REPIN1: variants seen among roughly 807,000 people sequenced by gnomAD.
The protein encoded by REPIN1 is replication initiator 1.
REPIN1 carries 4 observed loss-of-function variants against 5.7 expected under a neutral mutation model. The ratio of observed to expected loss-of-function variants is 0.71; its 90% CI spans 0.35 to 1.62. The LOEUF is 1.62. REPIN1 is among the 40% of genes most tolerant of loss of function. The pLI is 0.05. For synonymous variants in REPIN1, 410 were observed against 386.2 expected, an observed-to-expected ratio of 1.06 and a Z score of -0.72; for missense variants, 854 against 901.0, an observed-to-expected ratio of 0.95 and a Z score of 0.67.
rs1448446831 is a variant in REPIN1, at chr7:150,373,473, C to A, written c.*528C>A. On this transcript the variant is annotated 3_prime_UTR_variant, in exon 3 of 3. Coordinates refer to ENST00000489432, the MANE Select transcript of REPIN1 (RefSeq NM_001099695.2). ...AAGAGGTGAAGCGAAGCCACTCTTACCTCTCCCTTCCCCTCCCACCTGCCC... is the reference window on the plus strand; with the variant it reads ...AAGAGGTGAAGCGAAGCCACTCTTAACTCTCCCTTCCCCTCCCACCTGCCC... 4 of 174,552 alleles carry A rather than the reference C, an allele frequency of 2.3e-5. No homozygotes were observed. Among genetic ancestry groups the A allele is most frequent in the East Asian group, 1.9e-4 (1 of 5,356 alleles). 10.8% of individuals were successfully genotyped at this position (174,552 alleles called of 1,614,324 possible).
rs1408708774 is a variant in REPIN1, at chr7:150,371,315, A to T, written c.245A>T (p.Gln82Leu). 1 of 1,586,490 alleles carries T rather than the reference A, an allele frequency of 6.3e-7. No homozygotes were observed. Among genetic ancestry groups the T allele is most frequent in the Non-Finnish European group, 8.6e-7 (1 of 1,167,328 alleles). Residue 82 changes from glutamine (Q) to leucine (L), a missense_variant, in exon 3 of 3, where the codon CAG (glutamine) becomes CTG (leucine). Physicochemically the swap from Gln to Leu is moderately radical, Grantham distance 113. Coordinates refer to ENST00000489432, the MANE Select transcript of REPIN1 (RefSeq NM_001099695.2). ...AQPRLLSGPS[Q>L]ESPQTLGKES... ...CCCCGACTCCTTTCTGGGCCCTCCC[A>T]GGAGTCACCCCAGACCCTGGGGAAG...
rs747716898 is a variant in REPIN1 at position 150,372,395 on chromosome 7, G to A, written c.1325G>A (p.Arg442Gln). The A allele has an allele frequency of 8.7e-6, 13 of 1,486,608 alleles. No homozygotes were observed. The highest frequency in any genetic ancestry group is 1.7e-4 in the Middle Eastern group (1 of 5,746). The allele number at this position is 1,486,608 out of a possible 1,614,324, so 92.1% of individuals were successfully genotyped here. ...YSCDDCGRSF[R>Q]LERFLRAHQR... ...TGCGACGACTGCGGCAGGAGCTTCC[G>A]GCTGGAGCGCTTCCTGCGGGCCCAC... The change falls in exon 3 of 3, where the codon CGG (arginine) becomes CAG (glutamine). Residue 442 changes from arginine to glutamine, a missense_variant. By Grantham distance (43) the Arg-to-Gln change is conservative. Coordinates refer to ENST00000489432, the MANE Select transcript of REPIN1 (RefSeq NM_001099695.2).
In REPIN1 at chr7:150,371,900, C is replaced by T. The variant is rs779402280; in HGVS notation, c.830C>T (p.Pro277Leu). ...CTGGGGCCCCGGCCCAGGGGCCGCCCCGCGGTGACCGCCCCCCGGCCCGGT... is the reference window on the plus strand; with the variant it reads ...CTGGGGCCCCGGCCCAGGGGCCGCCTCGCGGTGACCGCCCCCCGGCCCGGT... The part of the protein sequence containing the change: ...KALGPRPRGR[P>L]AVTAPRPGGD... Residue 277 changes from proline to leucine, a missense_variant, in exon 3 of 3, where the codon CCC becomes CTC. Around this residue, in one of 5 missense-constraint regions of REPIN1, gnomAD observed 409 missense variants for 418.6 expected, o/e 0.98. Coordinates refer to ENST00000489432, the MANE Select transcript of REPIN1 (RefSeq NM_001099695.2). 14 of 1,607,048 alleles carry T rather than the reference C, an allele frequency of 8.7e-6. No individual in the cohort carries two copies. Among genetic ancestry groups the T allele is most frequent in the Non-Finnish European group, 1.1e-5 (13 of 1,178,074 alleles).
At position 150,369,872 on chromosome 7, in the gene REPIN1, G is replaced by C; in HGVS notation, c.157+4G>C. The stretch of plus-strand genomic sequence containing the variant: ...CCCCAGCTCTGCAGTCTCCAGGGTA[G>C]AGTCTGGCCTTTGCTGTGCTCCCAA... On this transcript the variant is annotated splice_donor_region_variant and intron_variant, in intron 2 of 2. Coordinates refer to ENST00000489432, the MANE Select transcript of REPIN1 (RefSeq NM_001099695.2). The C allele has an allele frequency of 6.3e-7, 1 of 1,586,400 alleles. No homozygotes were observed. Among genetic ancestry groups the C allele is most frequent in the Non-Finnish European group, 8.6e-7 (1 of 1,162,114 alleles).
upstream of REPIN1, chr7:150,368,719 G>C: frequency 4.2e-6 from 1 of 239,330 alleles, no homozygotes. Flanking sequence ...GTCCCTCCCC[G>C]CCCCCAGGCC....
At chr7:150,369,900 C>G in intron 2 of REPIN1, 32 bp downstream of exon 2, 1 of 1,555,534 alleles carries the variant, frequency 6.4e-7, no homozygotes, top group Non-Finnish European at 8.7e-7. Context: ...GCTCCCAAAC[C>G]ACGCCACAAC....
Position 150,372,734 on chromosome 7 carries a change from A to C in REPIN1, c.1664A>C (p.Gln555Pro). Residue 555 changes from glutamine to proline, a missense_variant, in exon 3 of 3, where the codon CAG becomes CCG. This residue lies in a region of REPIN1 where 101 missense variants were observed against 124.7 expected (regional missense o/e 0.81). Transcript: ENST00000489432. ...VCPDCGKAFS[Q>P]KSNLVSHRRI... Reference sequence around the variant, plus strand: ...CCCGACTGCGGCAAAGCCTTCAGCCAGAAGTCCAACCTGGTGTCGCACCGG... The same window carrying C: ...CCCGACTGCGGCAAAGCCTTCAGCCCGAAGTCCAACCTGGTGTCGCACCGG... 1 of 1,612,694 alleles carries C rather than the reference A, an allele frequency of 6.2e-7. No individual in the cohort carries two copies. The highest frequency in any genetic ancestry group is 1.3e-5 in the African/African-American group (1 of 75,062).
In REPIN1 at chr7:150,371,870, A is replaced by T; in HGVS notation, c.800A>T (p.Lys267Met). 6.2e-7 allele frequency: 1 copy of T among 1,606,244 alleles called. No homozygotes were observed. The highest frequency in any genetic ancestry group is 1.3e-5 in the African/African-American group (1 of 74,942). Residue 267 changes from lysine (K) to methionine (M), a missense_variant, in exon 3 of 3, where the codon AAG becomes ATG. Physicochemically the swap from Lys to Met is moderately conservative, Grantham distance 95 (BLOSUM62 -1). Transcript: ENST00000489432. ...GAGGCCCTGGAGGAGGCCGCAGCCA[A>T]GGCTCTGGGGCCCCGGCCCAGGGGC... is the stretch of plus-strand genomic sequence containing the variant. ...VAEALEEAAA[K>M]ALGPRPRGRP...
rs141179227 is a variant in REPIN1 at position 150,371,210 on chromosome 7, G to A, written c.158-18G>A. On this transcript the variant is annotated intron_variant, in intron 2 of 2. Transcript: ENST00000489432. The stretch of plus-strand genomic sequence containing the variant: ...GAGTGAGTTGGTCTCTGGAGTGACT[G>A]TGCTTTTCCACCCTCAGCAGAGGAA... 3 of 1,560,158 alleles carry A rather than the reference G, an allele frequency of 1.9e-6. No individual in the cohort carries two copies. The highest frequency in any genetic ancestry group is 2.7e-5 in the African/African-American group (2 of 73,682).
rs1425367959 is a variant in REPIN1, at chr7:150,372,695, A to G, written c.1625A>G (p.Lys542Arg). The change falls in exon 3 of 3, where the codon AAG (lysine) becomes AGG (arginine). Residue 542 changes from lysine to arginine, a missense_variant. Physicochemically the swap from Lys to Arg is conservative, Grantham distance 26. Around this residue, in one of 5 missense-constraint regions of REPIN1, gnomAD observed 101 missense variants for 124.7 expected, o/e 0.81. Coordinates refer to ENST00000489432, the MANE Select transcript of REPIN1 (RefSeq NM_001099695.2). ...AAHRRIHTGE[K>R]PYVCPDCGKA... ...CACCGGCGCATCCACACCGGCGAGA[A>G]GCCCTACGTCTGCCCCGACTGCGGC... is the stretch of plus-strand genomic sequence containing the variant. The G allele has an allele frequency of 2.5e-6, 4 of 1,611,780 alleles. No homozygotes were observed. In the African/African-American group the frequency reaches 4.0e-5, roughly 16 times the overall value.
Position 150,369,728 on chromosome 7 carries a change from C to T in REPIN1, c.17C>T (p.Ser6Phe). ...AGCTCTGCCATGGGGATAGGGGTGTCTTTATTACTGCAGTTTTCTCTAACA... is the reference window on the plus strand; with the variant it reads ...AGCTCTGCCATGGGGATAGGGGTGTTTTTATTACTGCAGTTTTCTCTAACA... MGIGV[S>F]LLLQFSLTPG... The change falls in exon 2 of 3, where the codon TCT (serine) becomes TTT (phenylalanine). Residue 6 changes from serine (S) to phenylalanine (F), a missense_variant. Ser to Phe is a radical substitution (Grantham distance 155). This residue lies in a region of REPIN1 where 409 missense variants were observed against 418.6 expected (regional missense o/e 0.98). Transcript: ENST00000489432. 2 of 1,613,910 alleles carry T rather than the reference C, an allele frequency of 1.2e-6. No homozygotes were observed. The highest frequency in any genetic ancestry group is 1.7e-6 in the Non-Finnish European group (2 of 1,179,858).
In REPIN1 at chr7:150,372,421, C is replaced by A; in HGVS notation, c.1351C>A (p.Gln451Lys). 4 of 1,498,090 alleles carry A rather than the reference C, an allele frequency of 2.7e-6. No homozygotes were observed. Among genetic ancestry groups the A allele is most frequent in the Non-Finnish European group, 3.5e-6 (4 of 1,131,698 alleles). The allele number at this position is 1,498,090 out of a possible 1,614,324, so 92.8% of individuals were successfully genotyped here. Reference sequence around the variant, plus strand: ...GCTGGAGCGCTTCCTGCGGGCCCACCAGCGGCAGCACACCGGGGAGCGGCC... The same window carrying A: ...GCTGGAGCGCTTCCTGCGGGCCCACAAGCGGCAGCACACCGGGGAGCGGCC... Reference protein sequence around the residue: ...FRLERFLRAHQRQHTGERPFT... With the variant: ...FRLERFLRAHKRQHTGERPFT... The change falls in exon 3 of 3, where the codon CAG becomes AAG. Residue 451 changes from glutamine (Q) to lysine (K), a missense_variant. Transcript: ENST00000489432.
rs1484091870 is a variant in REPIN1, at chr7:150,371,894, G to GCCGCCCCGCGGTGA, written c.832_845dup (p.Pro284Ter). 1 of 1,606,180 alleles carries GCCGCCCCGCGGTGA rather than the reference G, an allele frequency of 6.2e-7. No homozygotes were observed. The highest frequency in any genetic ancestry group is 8.5e-7 in the Non-Finnish European group (1 of 1,177,442). ...AAGGCTCTGGGGCCCCGGCCCAGGG[G>GCCGCCCCGCGGTGA]CCGCCCCGCGGTGACCGCCCCCCGG... On this transcript the variant is annotated frameshift_variant, in exon 3 of 3. Transcript: ENST00000489432. LOFTEE classifies it low-confidence loss of function (END_TRUNC).
rs575704271 is a variant in REPIN1 at position 150,373,880 on chromosome 7, T to C, written c.*935T>C. 5 of 167,222 alleles carry C rather than the reference T, an allele frequency of 3.0e-5. No individual in the cohort carries two copies. The highest frequency in any genetic ancestry group is 4.1e-4 in the South Asian group (2 of 4,830). The allele number at this position is 167,222 out of a possible 1,614,324, so 10.4% of individuals were successfully genotyped here. ...CTCCTGAGGCCCTGGATGATTCTAA[T>C]TGTTAGAAATTCTAATTGTTAGAAA... is the stretch of plus-strand genomic sequence containing the variant. On this transcript the variant is annotated 3_prime_UTR_variant, in exon 3 of 3. Coordinates refer to ENST00000489432, the MANE Select transcript of REPIN1 (RefSeq NM_001099695.2).
At position 150,371,933 on chromosome 7, in the gene REPIN1, C is replaced by T. The variant is rs756175699; in HGVS notation, c.863C>T (p.Ala288Val). ...AVTAPRPGGD[A>V]VDRPFQCACC... The stretch of plus-strand genomic sequence containing the variant: ...ACCGCCCCCCGGCCCGGTGGAGATG[C>T]CGTCGACCGCCCCTTCCAGTGTGCC... Residue 288 changes from alanine to valine, a missense_variant, in exon 3 of 3, where the codon GCC becomes GTC. Physicochemically the swap from Ala to Val is moderately conservative, Grantham distance 64. This residue lies in a region of REPIN1 where 409 missense variants were observed against 418.6 expected (regional missense o/e 0.98). Coordinates refer to ENST00000489432, the MANE Select transcript of REPIN1 (RefSeq NM_001099695.2). 12 of 1,608,622 alleles carry T rather than the reference C, an allele frequency of 7.5e-6. No homozygotes were observed. In the Admixed American group the frequency reaches 1.7e-4, roughly 22 times the overall value.
Position 150,372,471 on chromosome 7 carries a change from G to C in REPIN1, c.1401G>C (p.Lys467Asn). The change falls in exon 3 of 3, where the codon AAG becomes AAC. Residue 467 changes from lysine (K) to asparagine (N), a missense_variant. Coordinates refer to ENST00000489432, the MANE Select transcript of REPIN1 (RefSeq NM_001099695.2). ...CCTTCACCTGCGCCGAGTGCGGGAAGAACTTCGGCAAGAAGACGCACCTGG... is the reference window on the plus strand; with the variant it reads ...CCTTCACCTGCGCCGAGTGCGGGAACAACTTCGGCAAGAAGACGCACCTGG... The part of the protein sequence containing the change: ...ERPFTCAECG[K>N]NFGKKTHLVA... 6.5e-7 allele frequency: 1 copy of C among 1,542,610 alleles called. No homozygotes were observed. The highest frequency in any genetic ancestry group is 8.7e-7 in the Non-Finnish European group (1 of 1,150,376).
rs1175702070 is a variant in REPIN1 at position 150,369,862 on chromosome 7, C to T, written c.151C>T (p.Leu51Phe). 1.2e-6 allele frequency: 2 copies of T among 1,600,916 alleles called. No homozygotes were observed. The highest frequency in any genetic ancestry group is 1.7e-6 in the Non-Finnish European group (2 of 1,170,862). The change falls in exon 2 of 3, where the codon CTC becomes TTC. Residue 51 changes from leucine (L) to phenylalanine (F), a missense_variant. By Grantham distance (22) the Leu-to-Phe change is conservative. Transcript: ENST00000489432. The stretch of plus-strand genomic sequence containing the variant: ...AAAGCCTCATCCCCAGCTCTGCAGT[C>T]TCCAGGGTAGAGTCTGGCCTTTGCT... ...WKKPHPQLCS[L>F]QAEEEPMLER... is the part of the protein sequence containing the mutation.
chr7:150,369,348 C>A (rs1799260122), intron 1 of REPIN1: 2 of 379,116 alleles, frequency 5.3e-6, no homozygotes, highest in East Asian at 9.5e-5. Flanking sequence ...GGGGAGCCAG[C>A]AGGGATTCCA....
At position 150,371,317 on chromosome 7, in the gene REPIN1, G is replaced by A; in HGVS notation, c.247G>A (p.Glu83Lys). ...QPRLLSGPSQ[E>K]SPQTLGKESR... ...CCGACTCCTTTCTGGGCCCTCCCAG[G>A]AGTCACCCCAGACCCTGGGGAAGGA... Residue 83 changes from glutamate (E) to lysine (K), a missense_variant, in exon 3 of 3, where the codon GAG (glutamate) becomes AAG (lysine). Around this residue, in one of 5 missense-constraint regions of REPIN1, gnomAD observed 409 missense variants for 418.6 expected, o/e 0.98. Transcript: ENST00000489432. 1 of 1,585,960 alleles carries A rather than the reference G, an allele frequency of 6.3e-7. No individual in the cohort carries two copies.
Sources: gnomAD v4.1 joint callset for allele counts on GRCh38, gnomAD v4.1.1 for gene constraint, gnomAD v4.1.1 regional missense constraint, MANE v1.5 for transcripts, NCBI Gene and HGNC (gene_info 2026-07-23, HGNC 2026-07-21) for gene names.